CPNE7: variants seen among roughly 807,000 people sequenced by gnomAD.
CPNE7 encodes the protein copine-7.
A neutral mutation model predicts 66.5 loss-of-function variants in CPNE7; 78 were observed. The ratio of observed to expected loss-of-function variants is 1.17; its 90% CI spans 0.98 to 1.42. The LOEUF (loss-of-function observed/expected upper bound fraction) is 1.42, where lower values mean the gene tolerates loss of function less well. Ranked by LOEUF, CPNE7 falls within the 40% of genes most tolerant of loss-of-function variation. The probability of loss-of-function intolerance (pLI) is 0.00; values close to 1 mark genes in which losing one functional copy is unlikely to be tolerated. For missense variants in CPNE7, 1,012 were observed against 776.6 expected, an observed-to-expected ratio of 1.30 and a Z score of -3.60; for synonymous variants, 468 against 336.7, an observed-to-expected ratio of 1.39 and a Z score of -4.27.
intron 9 of CPNE7, chr16:89,587,668 CAGACCCCGCGTCACCCATAGATACG>C: frequency 2.4e-6 from 1 of 425,290 alleles, no homozygotes; most frequent in South Asian, 1.6e-5. Flanking sequence ...ATGTCACCCG[CAGACCCCGCGTCACCCATAGATACG>C]CACACCCCGT....
chr16:89,584,852 A>C lies in CPNE7; in HGVS notation c.586A>C (p.Thr196Pro). Reference sequence around the variant, plus strand: ...CCAGGGCTTGCAGCTGGTGTACAGGACGGAGGTGAGCGGCCGGGGATGGGA... The same window carrying C: ...CCAGGGCTTGCAGCTGGTGTACAGGCCGGAGGTGAGCGGCCGGGGATGGGA... ...DDQGLQLVYRTEVVKNNLNPV... is the reference protein window; with the variant it reads ...DDQGLQLVYRPEVVKNNLNPV... Residue 196 changes from threonine (T) to proline (P), a missense_variant, in exon 5 of 15, where the codon ACG becomes CCG. Thr to Pro is a conservative substitution (Grantham distance 38, BLOSUM62 -1). Coordinates refer to ENST00000319518, the MANE Select transcript of CPNE7 (RefSeq NM_153636.3). This position sits in a 1 kb window ranked among gnomAD's most constrained non-coding sequence, Gnocchi z 6.0. 1.9e-6 allele frequency: 3 copies of C among 1,613,248 alleles called. No individual in the cohort carries two copies. Among genetic ancestry groups the C allele is most frequent in the Non-Finnish European group, 2.5e-6 (3 of 1,179,820 alleles).
intron 11 of CPNE7, 92 bp downstream of exon 11, chr16:89,590,043 C>G: frequency 7.1e-7 from 1 of 1,415,094 alleles, no homozygotes; most frequent in Admixed American, 1.9e-5. Flanking sequence ...CCCTGGCTGC[C>G]TGCTGGGAAC....
chr16:89,580,569 C>T (rs1233567728), intron 2 of CPNE7, among the ~76,000 whole-genome samples: 1 of 141,286 alleles, frequency 7.1e-6, no homozygotes, highest in African/African-American at 2.7e-5. Flanking sequence ...ACCCATCACA[C>T]GGAACATCTC....
chr16:89,595,267 C>A, intron 13 of CPNE7, 100 bp from the exon 14 acceptor site: 1 of 926,666 alleles, frequency 1.1e-6, no homozygotes, highest in Non-Finnish European at 1.7e-6. Flanking sequence ...GAAGCTCTGA[C>A]GCACGGAGGC....
chr16:89,585,411 C>CA, intron 5 of CPNE7, 53 bp from the exon 6 acceptor site: 1 of 1,308,486 alleles, frequency 7.6e-7, no homozygotes, highest in East Asian at 2.4e-5. Context: ...CTATCCCCCC[C>CA]AAGGATCCCA....
chr16:89,592,265 C>T (rs1347652803), intron 13 of CPNE7, among the ~76,000 whole-genome samples: 6 of 150,998 alleles, frequency 4.0e-5, no homozygotes, highest in Admixed American at 3.3e-4. Flanking sequence ...CCACCCGCCT[C>T]GGCCTCCCAA....
chr16:89,576,030 A>C lies in CPNE7; in HGVS notation c.133A>C (p.Ser45Arg). 7.5e-7 allele frequency: 1 copy of C among 1,339,224 alleles called. No individual in the cohort carries two copies. Among genetic ancestry groups the C allele is most frequent in the Non-Finnish European group, 9.6e-7 (1 of 1,044,394 alleles). The allele number at this position is 1,339,224 out of a possible 1,614,324, so 83.0% of individuals were successfully genotyped here. Residue 45 changes from serine to arginine, a missense_variant, in exon 1 of 15, where the codon AGC (serine) becomes CGC (arginine). By Grantham distance (110) the Ser-to-Arg change is moderately radical. Transcript: ENST00000319518. ...DRDPLTKSDP[S>R]VALLQQAQGQ... Reference sequence around the variant, plus strand: ...CGACCCGCTCACCAAGTCCGACCCCAGCGTGGCGTTGCTGCAGCAGGCGCA... The same window carrying C: ...CGACCCGCTCACCAAGTCCGACCCCCGCGTGGCGTTGCTGCAGCAGGCGCA...
intron 10 of CPNE7, among the ~76,000 whole-genome samples, chr16:89,589,408 A>C (rs907256303): frequency 6.6e-6 from 1 of 152,186 alleles, no homozygotes; most frequent in African/African-American, 2.4e-5. Flanking sequence ...TAGCAAACCG[A>C]AGTCACAGAG....
In CPNE7 at chr16:89,588,655, T is replaced by A. The variant is rs375496193; in HGVS notation, c.928-20T>A. 3.5e-5 allele frequency: 57 copies of A among 1,612,590 alleles called. No homozygotes were observed. The highest frequency in any genetic ancestry group is 8.3e-5 in the Admixed American group (5 of 59,986). ...GGGAGCCCCGGCCCAGCACAGCTCC[T>A]GGCTCCCGGCCCACTGCAGGTGGCC... On this transcript the variant is annotated intron_variant, in intron 9 of 14. Coordinates refer to ENST00000319518, the MANE Select transcript of CPNE7 (RefSeq NM_153636.3).
Position 89,575,979 on chromosome 16 carries a change from C to T in CPNE7, c.82C>T (p.Leu28Phe). 1 of 1,374,848 alleles carries T rather than the reference C, an allele frequency of 7.3e-7. No individual in the cohort carries two copies. Among genetic ancestry groups the T allele is most frequent in the Non-Finnish European group, 9.4e-7 (1 of 1,063,390 alleles). The allele number at this position is 1,374,848 out of a possible 1,614,324, so 85.2% of individuals were successfully genotyped here. A position where few individuals can be genotyped will look rare whatever the true frequency, so the allele number is the denominator to read the frequency against. ...CTGCGCCTCGAAGGTGGAGCTGCGG[C>T]TCAGCTGCCGGCACCTGCTGGACCG... is the stretch of plus-strand genomic sequence containing the variant. ...APCASKVELR[L>F]SCRHLLDRDP... Residue 28 changes from leucine (L) to phenylalanine (F), a missense_variant, in exon 1 of 15, where the codon CTC becomes TTC. Leu to Phe is a conservative substitution (Grantham distance 22). Coordinates refer to ENST00000319518, the MANE Select transcript of CPNE7 (RefSeq NM_153636.3).
rs772295515 is a variant in CPNE7 at position 89,596,589 on chromosome 16, G to T, written c.1645G>T (p.Ala549Ser). ...GCCCCCGAGAAGCCTGGGTGTCCCT[G>T]CCGGAGAGGCCAGCCCAGGCTGCAC... is the stretch of plus-strand genomic sequence containing the variant. ...GLPPRSLGVP[A>S]GEASPGCTP is the part of the protein sequence containing the mutation. Residue 549 changes from alanine to serine, a missense_variant, in exon 15 of 15, where the codon GCC becomes TCC. Ala to Ser is a moderately conservative substitution (Grantham distance 99, BLOSUM62 1). Transcript: ENST00000319518. 1.9e-6 allele frequency: 3 copies of T among 1,606,694 alleles called. No homozygotes were observed. Among genetic ancestry groups the T allele is most frequent in the Non-Finnish European group, 1.7e-6 (2 of 1,179,440 alleles).
At chr16:89,587,205 T>C (rs1463812690) in intron 9 of CPNE7, 103 bp downstream of exon 9, 4 of 393,102 alleles carry the variant, frequency 1.0e-5, no homozygotes, top group Admixed American at 4.3e-5. Context: ...CCTCAGTCTG[T>C]GGCCCCGCCC....
At position 89,583,771 on chromosome 16, in the gene CPNE7, G is replaced by A. The variant is rs1396657834; in HGVS notation, c.432G>A (p.Thr144=). 3.7e-6 allele frequency: 6 copies of A among 1,612,482 alleles called. No homozygotes were observed. The highest frequency in any genetic ancestry group is 1.3e-5 in the African/African-American group (1 of 74,934). The change falls in exon 3 of 15, where the codon ACG becomes ACA. Residue 144 remains threonine (T), a splice_region_variant and synonymous_variant. Coordinates refer to ENST00000319518, the MANE Select transcript of CPNE7 (RefSeq NM_153636.3). ...FGRNAGKSTI[T]VIAEDISGNN... is the part of the protein sequence containing the mutation. ...GGAACGCTGGCAAGTCCACCATCAC[G>A]GTGAGACCCGGGCGCACCCCTGCAG...
intron 2 of CPNE7, among the ~76,000 whole-genome samples, chr16:89,581,888 A>G (rs2058963976): frequency 6.6e-6 from 1 of 151,984 alleles, no homozygotes; most frequent in Non-Finnish European, 1.5e-5. Context: ...TCACCGATCC[A>G]CCCACCCTGG....
chr16:89,589,906 G>GT lies in CPNE7; in HGVS notation c.1075dup (p.Ser359PhefsTer14), dbSNP rs1294815910. ...CCTGCCTCTCTTCCAGTGACAAGAG[G>GT]TTTTCCGCTTTGGGGTTTGGAGCCC... On this transcript the variant is annotated frameshift_variant, in exon 11 of 15. Coordinates refer to ENST00000319518, the MANE Select transcript of CPNE7 (RefSeq NM_153636.3). LOFTEE classifies it high-confidence loss of function. 6.2e-7 allele frequency: 1 copy of GT among 1,613,802 alleles called. No homozygotes were observed. The highest frequency in any genetic ancestry group is 8.5e-7 in the Non-Finnish European group (1 of 1,179,982).
intron 1 of CPNE7, among the ~76,000 whole-genome samples, 164 bp from the exon 2 acceptor site, chr16:89,577,375 C>T (rs1273687413): frequency 1.3e-5 from 2 of 152,146 alleles, no homozygotes; most frequent in African/African-American, 4.8e-5. Flanking sequence ...CCAGGGTGGC[C>T]CTCGGGATTG....
In CPNE7 at chr16:89,596,798, A is replaced by G. The variant is rs905954088; in HGVS notation, c.*177A>G. 2.6e-6 allele frequency: 2 copies of G among 765,922 alleles called. No individual in the cohort carries two copies. Among genetic ancestry groups the G allele is most frequent in the Non-Finnish European group, 3.8e-6 (2 of 527,964 alleles). The allele number at this position is 765,922 out of a possible 1,614,324, so 47.4% of individuals were successfully genotyped here. On this transcript the variant is annotated 3_prime_UTR_variant, in exon 15 of 15. Transcript: ENST00000319518. The stretch of plus-strand genomic sequence containing the variant: ...GCTTGGGCCCGGCTCTGGGGCCCCC[A>G]AGGCCGAAGGGTGACAAAATACAGG...
intron 11 of CPNE7, among the ~76,000 whole-genome samples, chr16:89,590,370 C>G (rs1383232780): frequency 1.3e-5 from 2 of 152,012 alleles, no homozygotes; most frequent in African/African-American, 4.8e-5. Context: ...ACCAAAAATA[C>G]AAAAATTAGC....
At chr16:89,576,726 G>A (rs1351031397) in intron 1 of CPNE7, among the ~76,000 whole-genome samples, 2 of 152,284 alleles carry the variant, frequency 1.3e-5, no homozygotes, top group East Asian at 3.9e-4. Context: ...CAGTCCGCGC[G>A]GGGCGCCAGC....
Sources: gnomAD v4.1 joint callset for allele counts (sites outside exome capture counted in the v4.1 genomes callset) on GRCh38, gnomAD v4.1.1 for gene constraint, Gnocchi (gnomAD v3.1) non-coding constraint, MANE v1.5 for transcripts, NCBI Gene and HGNC (gene_info 2026-07-23, HGNC 2026-07-21) for gene names.